Variants in GMDS observed in about 807,000 individuals in gnomAD.
GMDS encodes the protein GDP-mannose 4,6 dehydratase.
A neutral mutation model predicts 49.9 loss-of-function variants in GMDS; 20 were observed. The ratio of observed to expected loss-of-function variants is 0.40; its 90% CI spans 0.28 to 0.58. The LOEUF is 0.58. Among genes scored for constraint, GMDS ranks in the 20% least tolerant of loss-of-function variants. The pLI, the probability that GMDS is intolerant of heterozygous loss-of-function variation, is 0.42. For missense variants in GMDS, 362 were observed against 481.4 expected (o/e 0.75, Z 2.32); for synonymous variants, 177 against 178.6 (o/e 0.99, Z 0.07).
intron 7 of GMDS, among the ~76,000 whole-genome samples, chr6:1,889,485 G>A (rs973141277): frequency 2.6e-5 from 4 of 152,036 alleles, no homozygotes. Context: ...CTGGACAGTT[G>A]GTTCACTTCC....
rs1766169561 is a variant in GMDS at position 1,716,158 on chromosome 6, T to TA, written c.987+10257dup. Among the ~76,000 whole-genome samples, 3 of 152,332 alleles carry TA rather than the reference T, an allele frequency of 2.0e-5. No homozygotes were observed. The South Asian group carries it at 6.2e-4, about 32-fold the overall frequency. ...AGTCGAAGAATATGTAAAAAAAGAT[T>TA]AAAAACATCTTTAGATTGGTTTTCT... On this transcript the variant is annotated intron_variant, in intron 9 of 10. Coordinates refer to ENST00000380815, the MANE Select transcript of GMDS (RefSeq NM_001500.4).
At chr6:2,096,571 C>T (rs1009982558) in intron 4 of GMDS, among the ~76,000 whole-genome samples, 2 of 152,154 alleles carry the variant, frequency 1.3e-5, no homozygotes, top group African/African-American at 4.8e-5. Context: ...TAAGTAACAG[C>T]TGTCAGTAGG....
chr6:1,829,360 TA>T (rs886066823), intron 7 of GMDS, among the ~76,000 whole-genome samples: 21 of 152,202 alleles, frequency 1.4e-4, no homozygotes, highest in Non-Finnish European at 2.9e-5. Context: ...TATAACCAAA[TA>T]AAAAAATATA....
intron 7 of GMDS, among the ~76,000 whole-genome samples, chr6:1,803,255 G>A (rs1348460536): frequency 6.6e-6 from 1 of 152,098 alleles, no homozygotes; most frequent in Non-Finnish European, 1.5e-5. Context: ...CAGAAATGTG[G>A]GATTGATACG....
chr6:1,999,047 G>C (rs1281043933), intron 4 of GMDS, among the ~76,000 whole-genome samples: 1 of 152,088 alleles, frequency 6.6e-6, no homozygotes, highest in Non-Finnish European at 1.5e-5. Context: ...TAATAGGCCA[G>C]GTGCGGTGGC....
At chr6:1,898,548 T>C (rs558851185) in intron 7 of GMDS, among the ~76,000 whole-genome samples, 1 of 152,268 alleles carries the variant, frequency 6.6e-6, no homozygotes, top group African/African-American at 2.4e-5. Context: ...TACCAGTTCC[T>C]AAGTCTGTAG....
In GMDS at chr6:1,791,006, A is replaced by C. The variant is rs1362051217; in HGVS notation, c.772-48420T>G. On this transcript the variant is annotated intron_variant, in intron 7 of 10. Coordinates refer to ENST00000380815, the MANE Select transcript of GMDS (RefSeq NM_001500.4). ...AAGGGCTACAAGGCAAAAGGTCAGA[A>C]GACAGAGAAGGTAAGTGATGATGGA... Among the ~76,000 whole-genome samples the C allele has an allele frequency of 2.6e-5, 4 of 152,366 alleles. No individual in the cohort carries two copies. In the East Asian group the frequency reaches 7.7e-4, roughly 29 times the overall value.
At chr6:1,960,753 G>A (rs111456132) in intron 5 of GMDS, 21 bp downstream of exon 5, 43 of 1,506,790 alleles carry the variant, frequency 2.9e-5, no homozygotes, top group Admixed American at 8.7e-5. Context: ...CATGTGCTCC[G>A]GTGTGCACGC....
chr6:1,923,936 C>A lies in GMDS; in HGVS notation c.771+6167G>T, dbSNP rs78311968. On this transcript the variant is annotated intron_variant, in intron 7 of 10. Coordinates refer to ENST00000380815, the MANE Select transcript of GMDS (RefSeq NM_001500.4). ...ATGTACCCTTCCAGAGGCTCCTCAC[C>A]TTCCCCAGGTCTCTGTATTAGCTGA... is the stretch of plus-strand genomic sequence containing the variant. 7.1e-3 allele frequency among the ~76,000 whole-genome samples: 1,089 copies of A among 152,308 alleles called. 3 individuals carry two copies. Among genetic ancestry groups the A allele is most frequent in the Middle Eastern group, 0.014 (4 of 294 alleles).
intron 7 of GMDS, among the ~76,000 whole-genome samples, chr6:1,834,313 AT>A (rs1280395291): frequency 6.6e-6 from 1 of 152,196 alleles, no homozygotes; most frequent in Non-Finnish European, 1.5e-5. Context: ...TAAGGCACTA[AT>A]TTCCATCTGG....
At chr6:2,245,194 A>T (rs988441873) in intron 1 of GMDS, 127 bp downstream of exon 1, 2 of 676,996 alleles carry the variant, frequency 3.0e-6, no homozygotes, top group South Asian at 3.2e-5. Context: ...ACCTCCCGGC[A>T]GCAGACCCCT....
rs114569555 is a variant in GMDS, at chr6:2,056,139, G to C, written c.345+59632C>G. Among the ~76,000 whole-genome samples the C allele has an allele frequency of 2.6e-3, 399 of 152,176 alleles. 2 individuals are homozygous for C. Among genetic ancestry groups the C allele is most frequent in the African/African-American group, 9.3e-3 (385 of 41,548 alleles). On this transcript the variant is annotated intron_variant, in intron 4 of 10. Coordinates refer to ENST00000380815, the MANE Select transcript of GMDS (RefSeq NM_001500.4). The stretch of plus-strand genomic sequence containing the variant: ...GTATGTCACCAAATAAGAAACATAT[G>C]TCTCCTGATTCCAGAGGTAATAACA...
rs1271149008 is a variant in GMDS at position 1,640,300 on chromosome 6, G to A, written c.988-15760C>T. Among the ~76,000 whole-genome samples the A allele has an allele frequency of 6.6e-6, 1 of 152,196 alleles. No individual in the cohort carries two copies. Among genetic ancestry groups the A allele is most frequent in the East Asian group, 1.9e-4 (1 of 5,190 alleles). On this transcript the variant is annotated intron_variant, in intron 9 of 10. Coordinates refer to ENST00000380815, the MANE Select transcript of GMDS (RefSeq NM_001500.4). This position sits in a 1 kb window ranked among gnomAD's most constrained non-coding sequence, Gnocchi z 4.0. ...AAACTGTGCCCGTGGAGAAGCACAT[G>A]GGATTTAGGGTCACAGAGACTTAGG...
intron 9 of GMDS, among the ~76,000 whole-genome samples, chr6:1,716,167 C>A (rs888493801): frequency 1.3e-5 from 2 of 152,160 alleles, no homozygotes; most frequent in Non-Finnish European, 2.9e-5. Flanking sequence ...TTAAAAACAT[C>A]TTTAGATTGG....
intron 4 of GMDS, among the ~76,000 whole-genome samples, chr6:1,967,708 G>A (rs994335794): frequency 6.6e-6 from 1 of 152,200 alleles, no homozygotes; most frequent in African/African-American, 2.4e-5. Flanking sequence ...GGCGCAGTCA[G>A]GGCAGCCTCA....
At chr6:1,789,103 C>T (rs1457074010) in intron 7 of GMDS, among the ~76,000 whole-genome samples, 3 of 152,236 alleles carry the variant, frequency 2.0e-5, no homozygotes, top group Non-Finnish European at 4.4e-5. Context: ...AGAAAGGATA[C>T]AACTCAGGAC....
chr6:1,775,795 T>C (rs1768778212), intron 7 of GMDS, among the ~76,000 whole-genome samples: 1 of 152,244 alleles, frequency 6.6e-6, no homozygotes, highest in South Asian at 2.1e-4. Flanking sequence ...GAAATTATCC[T>C]ACACTTTTTC....
At chr6:1,765,877 G>C (rs1236125769) in intron 7 of GMDS, among the ~76,000 whole-genome samples, 1 of 152,120 alleles carries the variant, frequency 6.6e-6, no homozygotes, top group East Asian at 1.9e-4. Flanking sequence ...AAACGCAAAG[G>C]CCTTGAGAAG....
chr6:1,956,292 AT>A (rs1475952314), intron 6 of GMDS, among the ~76,000 whole-genome samples: 1 of 152,240 alleles, frequency 6.6e-6, no homozygotes, highest in African/African-American at 2.4e-5. Context: ...TAGATGATAT[AT>A]AAACAAGTGC....
Sources: allele counts gnomAD v4.1 joint callset (sites outside exome capture counted in the v4.1 genomes callset), GRCh38; gene constraint gnomAD v4.1.1; non-coding constraint Gnocchi (gnomAD v3.1); transcripts MANE v1.5; gene names NCBI Gene and HGNC (gene_info 2026-07-23, HGNC 2026-07-21).